CTNNA2: variants seen among roughly 807,000 people sequenced by gnomAD.
The protein encoded by CTNNA2 is catenin alpha 2.
Under a neutral mutation model 101.0 loss-of-function variants are expected in CTNNA2, and 42 were observed. The ratio of observed to expected loss-of-function variants is 0.42; its 90% CI spans 0.32 to 0.54. The LOEUF is 0.54. CTNNA2 is among the 20% of genes least tolerant of loss of function. The pLI is 0.14. For synonymous variants in CTNNA2, 450 were observed against 456.4 expected, an observed-to-expected ratio of 0.99 and a Z score of 0.18; for missense variants, 871 against 1,223.1, an observed-to-expected ratio of 0.71 and a Z score of 4.29.
chr2:80,442,458 G>A (rs1175180878), intron 9 of CTNNA2, among the ~76,000 whole-genome samples: 1 of 152,152 alleles, frequency 6.6e-6, no homozygotes, highest in African/African-American at 2.4e-5. Flanking sequence ...CACATCTCAT[G>A]CCCTTTCAAC....
chr2:80,254,301 C>T (rs1277972920), intron 7 of CTNNA2, among the ~76,000 whole-genome samples: 1 of 152,160 alleles, frequency 6.6e-6, no homozygotes, highest in African/African-American at 2.4e-5. Flanking sequence ...CTACCACATG[C>T]TTCTGCCCAC....
chr2:80,286,776 T>A (rs955851422), intron 7 of CTNNA2, among the ~76,000 whole-genome samples: 16 of 152,304 alleles, frequency 1.1e-4, no homozygotes, highest in Middle Eastern at 3.4e-3. Flanking sequence ...ATTGGAAGAC[T>A]TTGCTACACC....
chr2:80,248,348 A>G (rs1002094548), intron 7 of CTNNA2, among the ~76,000 whole-genome samples: 1 of 152,150 alleles, frequency 6.6e-6, no homozygotes, highest in East Asian at 1.9e-4. Context: ...GTGATCATCA[A>G]TCTCCTGCCA....
chr2:80,499,451 C>A (rs1486946854), intron 9 of CTNNA2, among the ~76,000 whole-genome samples: 1 of 151,902 alleles, frequency 6.6e-6, no homozygotes, highest in Admixed American at 6.6e-5. Flanking sequence ...AGAAAGAGTG[C>A]AGACTTGTTT....
At chr2:79,334,450 C>T (rs1426182502) in intron 3 of CTNNA2, among the ~76,000 whole-genome samples, 2 of 152,044 alleles carry the variant, frequency 1.3e-5, no homozygotes, top group Non-Finnish European at 2.9e-5. Flanking sequence ...CAATGAATTA[C>T]TATCAAGATA....
intron 1 of CTNNA2, among the ~76,000 whole-genome samples, chr2:79,561,020 C>T (rs1674745668): frequency 6.6e-6 from 1 of 151,848 alleles, no homozygotes; most frequent in South Asian, 2.1e-4. Context: ...GGAACTATCA[C>T]CACTATCTAA....
intron 4 of CTNNA2, among the ~76,000 whole-genome samples, chr2:79,385,508 T>C (rs189235217): frequency 4.7e-4 from 72 of 152,054 alleles, no homozygotes; most frequent in African/African-American, 1.7e-3. Flanking sequence ...TATTTTATTT[T>C]ATTTTATTTT....
At chr2:80,144,979 C>T (rs1298916700) in intron 7 of CTNNA2, among the ~76,000 whole-genome samples, 1 of 152,018 alleles carries the variant, frequency 6.6e-6, no homozygotes, top group Non-Finnish European at 1.5e-5. Context: ...CTGTCACAAC[C>T]GAAAATGCCT....
At chr2:79,231,682 A>G (rs1394471586) in intron 2 of CTNNA2, among the ~76,000 whole-genome samples, 3 of 152,144 alleles carry the variant, frequency 2.0e-5, no homozygotes, top group Admixed American at 6.5e-5. Flanking sequence ...AATACTTCCA[A>G]TCCATGAGCA....
intron 4 of CTNNA2, among the ~76,000 whole-genome samples, chr2:79,416,223 T>C (rs952520891): frequency 1.3e-5 from 2 of 151,304 alleles, no homozygotes; most frequent in African/African-American, 4.8e-5. Context: ...GAGGGATATA[T>C]ATCTCATGTC....
At chr2:79,915,403 C>T (rs546408168) in intron 7 of CTNNA2, among the ~76,000 whole-genome samples, 16 of 152,162 alleles carry the variant, frequency 1.1e-4, no homozygotes, top group African/African-American at 3.9e-4. Flanking sequence ...TCTCTTTACT[C>T]AATATATTGT....
chr2:79,727,660 C>T (rs1249643426), intron 2 of CTNNA2, among the ~76,000 whole-genome samples: 3 of 151,398 alleles, frequency 2.0e-5, no homozygotes, highest in Admixed American at 2.0e-4. Flanking sequence ...ATGTGCCATG[C>T]TGGTGTCCTG....
intron 7 of CTNNA2, among the ~76,000 whole-genome samples, chr2:80,130,315 G>T (rs1004761452): frequency 3.3e-5 from 5 of 152,288 alleles, no homozygotes; most frequent in South Asian, 2.1e-4. Flanking sequence ...TAGAATTTCT[G>T]CAGGCTTTAC....
chr2:79,771,681 G>A (rs1351965307), intron 3 of CTNNA2, among the ~76,000 whole-genome samples: 1 of 152,186 alleles, frequency 6.6e-6, no homozygotes, highest in East Asian at 1.9e-4. Context: ...ACAGGAGGCG[G>A]AGCTCAGGCG....
At chr2:80,564,846 T>C (rs993890859) in intron 12 of CTNNA2, among the ~76,000 whole-genome samples, 2 of 152,192 alleles carry the variant, frequency 1.3e-5, no homozygotes, top group African/African-American at 4.8e-5. Flanking sequence ...CTGTTGTTCT[T>C]GCTCCTGGAT....
chr2:79,464,132 C>T (rs1448585177), intron 4 of CTNNA2, among the ~76,000 whole-genome samples: 7 of 152,140 alleles, frequency 4.6e-5, no homozygotes, highest in African/African-American at 7.2e-5. Flanking sequence ...TATCCTCCCA[C>T]TCCCATCACC....
chr2:80,645,353 C>T (rs968302163), intron 18 of CTNNA2, among the ~76,000 whole-genome samples: 1 of 152,002 alleles, frequency 6.6e-6, no homozygotes, highest in Non-Finnish European at 1.5e-5. Context: ...ATTTACACTT[C>T]TACCTGGGGG....
chr2:79,907,338 C>T (rs964718717), intron 6 of CTNNA2, among the ~76,000 whole-genome samples: 3 of 147,572 alleles, frequency 2.0e-5, no homozygotes, highest in South Asian at 2.1e-4. Context: ...TATATACACA[C>T]ACACACACAC....
chr2:79,241,182 T>G (rs1293399343), intron 2 of CTNNA2, among the ~76,000 whole-genome samples: 1 of 152,210 alleles, frequency 6.6e-6, no homozygotes, highest in Non-Finnish European at 1.5e-5. Context: ...TATTGGGTAC[T>G]AACTAAATAG....
Sources: gnomAD v4.1 joint callset for allele counts (sites outside exome capture counted in the v4.1 genomes callset) on GRCh38, gnomAD v4.1.1 for gene constraint, MANE v1.5 for transcripts, NCBI Gene and HGNC (gene_info 2026-07-23, HGNC 2026-07-21) for gene names.